FRYL: variants seen among roughly 807,000 people sequenced by gnomAD.
FRYL encodes protein furry homolog-like.
FRYL carries 150 observed loss-of-function variants against 351.2 expected under a neutral mutation model. That is an observed-to-expected ratio of 0.43 (90% confidence interval 0.37 to 0.49). FRYL has a LOEUF of 0.49. Among genes scored for constraint, FRYL ranks in the 20% least tolerant of loss-of-function variants. The pLI is 0.00. For missense variants in FRYL, 3,036 were observed against 3,619.3 expected (o/e 0.84, Z 4.13); for synonymous variants, 1,153 against 1,257.1 (o/e 0.92, Z 1.75).
In FRYL at chr4:48,595,926, T is replaced by G; in HGVS notation, c.1110A>C (p.Ile370=). ...GAGTTACAGTGTTGCTTTCACATTTTATTCTAATTACATAAACCCACAATA... is the reference window on the plus strand; with the variant it reads ...GAGTTACAGTGTTGCTTTCACATTTGATTCTAATTACATAAACCCACAATA... The part of the protein sequence containing the change: ...YRLLWVYVIR[I]KCESNTVTQS... Residue 370 remains isoleucine, a synonymous_variant, in exon 14 of 64, where the codon ATA becomes ATC. Transcript: ENST00000358350. 1.2e-6 allele frequency: 2 copies of G among 1,601,906 alleles called. No homozygotes were observed. Among genetic ancestry groups the G allele is most frequent in the Non-Finnish European group, 1.7e-6 (2 of 1,174,778 alleles).
At chr4:48,667,599 G>A (rs1228730108) in intron 3 of FRYL, among the ~76,000 whole-genome samples, 1 of 151,860 alleles carries the variant, frequency 6.6e-6, no homozygotes, top group African/African-American at 2.4e-5. Flanking sequence ...CTATTCCAAG[G>A]GTTACAGAAA....
intron 3 of FRYL, among the ~76,000 whole-genome samples, chr4:48,672,848 T>G (rs1320767774): frequency 2.0e-5 from 3 of 152,310 alleles, no homozygotes; most frequent in East Asian, 3.9e-4. Flanking sequence ...CTTTGTTCCC[T>G]TCTAAAAAGA....
At chr4:48,557,329 T>C (rs1302429610) in intron 34 of FRYL, 124 bp downstream of exon 34, 1 of 1,326,018 alleles carries the variant, frequency 7.5e-7, no homozygotes, top group African/African-American at 1.5e-5. Context: ...ATCTAATGAG[T>C]CTTTTTTAAA....
chr4:48,536,396 C>T (rs190911280), intron 47 of FRYL, among the ~76,000 whole-genome samples: 59 of 152,276 alleles, frequency 3.9e-4, no homozygotes, highest in African/African-American at 1.4e-3. Flanking sequence ...CATGGTGGAC[C>T]TCAAACTGCT....
intron 47 of FRYL, among the ~76,000 whole-genome samples, chr4:48,538,479 T>C (rs1014165174): frequency 2.6e-5 from 4 of 152,176 alleles, no homozygotes; most frequent in African/African-American, 4.8e-5. Flanking sequence ...ATGGGATTCA[T>C]TGGGTTGCCA....
chr4:48,713,978 C>T lies in FRYL; in HGVS notation c.-383-3280G>A, dbSNP rs893624150. On this transcript the variant is annotated intron_variant, in intron 1 of 63. Transcript: ENST00000358350. ...CAGGATTAAGAAACTCACTCAAAAC[C>T]GCTCAACTACATGGAAACTGAACAA... Among the ~76,000 whole-genome samples, 31 of 151,896 alleles carry T rather than the reference C, an allele frequency of 2.0e-4. 1 individual carries two copies. Among genetic ancestry groups the T allele is most frequent in the African/African-American group, 7.2e-4 (30 of 41,408 alleles).
At chr4:48,758,116 C>G (rs936287933) in intron 1 of FRYL, among the ~76,000 whole-genome samples, 2 of 152,158 alleles carry the variant, frequency 1.3e-5, no homozygotes, top group African/African-American at 4.8e-5. Context: ...AATGGCAGAC[C>G]TGAAAGCATA....
In FRYL at chr4:48,592,114, A is replaced by ATATATATATATATATATATT. The variant is rs1272210127; in HGVS notation, c.1336-1285_1336-1284insAATATATATATATATATATA. Among the ~76,000 whole-genome samples, 240 of 136,746 alleles carry ATATATATATATATATATATT rather than the reference A, an allele frequency of 1.8e-3. 3 individuals carry two copies. Among genetic ancestry groups the ATATATATATATATATATATT allele is most frequent in the African/African-American group, 6.8e-3 (233 of 34,210 alleles). The allele number at this position is 136,746 out of a possible 152,430, so 89.7% of individuals were successfully genotyped here. On this transcript the variant is annotated intron_variant, in intron 16 of 63. Coordinates refer to ENST00000358350, the MANE Select transcript of FRYL (RefSeq NM_015030.2). ...TATATATATATATATATATATATAT[A>ATATATATATATATATATATT]TTTTATCTAAGTAAGATTAAAAGTT...
At position 48,499,695 on chromosome 4, in the gene FRYL, T is replaced by G. The variant is rs1719111321; in HGVS notation, c.8784-15A>C. On this transcript the variant is annotated splice_polypyrimidine_tract_variant and intron_variant, in intron 63 of 63. Coordinates refer to ENST00000358350, the MANE Select transcript of FRYL (RefSeq NM_015030.2). ...GCCAGAGAGATCTGAAAATACACAATAGTTTTTCAGTTCTGAGACTTAGGC... is the reference window on the plus strand; with the variant it reads ...GCCAGAGAGATCTGAAAATACACAAGAGTTTTTCAGTTCTGAGACTTAGGC... 7 of 1,610,224 alleles carry G rather than the reference T, an allele frequency of 4.3e-6. No individual in the cohort carries two copies. The highest frequency in any genetic ancestry group is 5.9e-6 in the Non-Finnish European group (7 of 1,177,820).
rs1182943249 is a variant in FRYL at position 48,579,941 on chromosome 4, T to C, written c.2260-700A>G. 2.6e-5 allele frequency among the ~76,000 whole-genome samples: 4 copies of C among 152,114 alleles called. No individual in the cohort carries two copies. In the East Asian group the frequency reaches 7.7e-4, roughly 29 times the overall value. ...ACTAACTACCCTGATTGGGTCATTA[T>C]ACAATATAGACATGTATGGAAACAT... On this transcript the variant is annotated intron_variant, in intron 22 of 63. Coordinates refer to ENST00000358350, the MANE Select transcript of FRYL (RefSeq NM_015030.2).
Position 48,540,338 on chromosome 4 carries a change from T to C in FRYL, c.6295+15A>G. On this transcript the variant is annotated intron_variant, in intron 46 of 63. Transcript: ENST00000358350. Reference sequence around the variant, plus strand: ...CATAAAATGCAAAGTGCTGGTGCAATTATATTAACATCACCTGACAATTGG... The same window carrying C: ...CATAAAATGCAAAGTGCTGGTGCAACTATATTAACATCACCTGACAATTGG... The C allele has an allele frequency of 1.2e-6, 2 of 1,604,132 alleles. No individual in the cohort carries two copies. Among genetic ancestry groups the C allele is most frequent in the Non-Finnish European group, 1.7e-6 (2 of 1,173,888 alleles).
intron 3 of FRYL, among the ~76,000 whole-genome samples, chr4:48,674,736 C>CAAAAAA (rs58696045): frequency 0.65 from 36,112 of 55,766 alleles, 15,094 homozygotes; most frequent in East Asian, 0.82. Flanking sequence ...GACTCTGTCT[C>CAAAAAA]AAAAAAAAAA....
chr4:48,753,320 T>C (rs559659072), intron 1 of FRYL, among the ~76,000 whole-genome samples: 1 of 152,176 alleles, frequency 6.6e-6, no homozygotes, highest in South Asian at 2.1e-4. Flanking sequence ...GTATAAAAGG[T>C]ACAACTGAGA....
intron 3 of FRYL, among the ~76,000 whole-genome samples, chr4:48,684,179 C>T (rs965332251): frequency 2.6e-5 from 4 of 152,130 alleles, no homozygotes; most frequent in African/African-American, 9.7e-5. Context: ...TGTTGAATAG[C>T]TTCTCTAATG....
At chr4:48,728,880 G>A (rs1770384562) in intron 1 of FRYL, among the ~76,000 whole-genome samples, 1 of 152,220 alleles carries the variant, frequency 6.6e-6, no homozygotes, top group Non-Finnish European at 1.5e-5. Context: ...TGGACAGTGG[G>A]TGCAGCCCAC....
At chr4:48,746,876 C>T (rs1241074528) in intron 1 of FRYL, among the ~76,000 whole-genome samples, 1 of 152,164 alleles carries the variant, frequency 6.6e-6, no homozygotes, top group African/African-American at 2.4e-5. Flanking sequence ...AATGAAGACC[C>T]CAGCCCAAGC....
At chr4:48,701,202 C>CAA (rs1356757587) in intron 2 of FRYL, among the ~76,000 whole-genome samples, 4 of 152,062 alleles carry the variant, frequency 2.6e-5, no homozygotes, top group African/African-American at 7.2e-5. Context: ...TATCATCGCC[C>CAA]AACTCTTTTA....
intron 1 of FRYL, among the ~76,000 whole-genome samples, chr4:48,767,638 G>C (rs1158855424): frequency 2.0e-5 from 3 of 152,208 alleles, no homozygotes; most frequent in African/African-American, 4.8e-5. Context: ...TAACAGAGTA[G>C]AATGGTGGTT....
chr4:48,769,597 A>G (rs1775310684), intron 1 of FRYL, among the ~76,000 whole-genome samples: 1 of 152,198 alleles, frequency 6.6e-6, no homozygotes, highest in Non-Finnish European at 1.5e-5. Context: ...TTTATCCCAG[A>G]GAAATGAAAA....
Sources: allele counts gnomAD v4.1 joint callset (sites outside exome capture counted in the v4.1 genomes callset), GRCh38; gene constraint gnomAD v4.1.1; transcripts MANE v1.5; gene names NCBI Gene and HGNC (gene_info 2026-07-23, HGNC 2026-07-21).